Variants in MSANTD3 observed in about 807,000 individuals in gnomAD.
MSANTD3 encodes myb/SANT-like DNA-binding domain-containing protein 3.
A neutral mutation model predicts 27.7 loss-of-function variants in MSANTD3; 11 were observed. The ratio of observed to expected loss-of-function variants is 0.40; its 90% confidence interval spans 0.25 to 0.66. The LOEUF is 0.66. MSANTD3 is among the 30% of genes least tolerant of loss of function. The pLI is 0.41. For missense variants in MSANTD3, 250 were observed against 336.5 expected, an observed-to-expected ratio of 0.74 and a Z score of 2.01; for synonymous variants, 131 against 127.2, an observed-to-expected ratio of 1.03 and a Z score of -0.20.
At chr9:100,440,297 T>C (rs1836580012) in intron 1 of MSANTD3, among the ~76,000 whole-genome samples, 1 of 152,144 alleles carries the variant, frequency 6.6e-6, no homozygotes, top group Admixed American at 6.5e-5. Context: ...CAGTCCAAGC[T>C]CTGGACTTTC....
chr9:100,440,848 C>T (rs1836602086), intron 1 of MSANTD3, among the ~76,000 whole-genome samples: 1 of 127,888 alleles, frequency 7.8e-6, no homozygotes, highest in South Asian at 2.9e-4. Context: ...TAGTCTCGAA[C>T]TCCTGGGCTC....
At chr9:100,434,626 CTGA>C (rs1836437757) in intron 1 of MSANTD3, among the ~76,000 whole-genome samples, 1 of 152,170 alleles carries the variant, frequency 6.6e-6, no homozygotes, top group African/African-American at 2.4e-5. Context: ...AATTATTTAT[CTGA>C]TGATCTTCTT....
chr9:100,450,098 A>G (rs866819295), intron 2 of MSANTD3, among the ~76,000 whole-genome samples: 1 of 152,202 alleles, frequency 6.6e-6, no homozygotes, highest in African/African-American at 2.4e-5. Flanking sequence ...AAACAGCAAT[A>G]GCACTCTTGC....
chr9:100,427,708 C>T (rs1836277225), intron 1 of MSANTD3: 1 of 152,326 alleles, frequency 6.6e-6, no homozygotes. Context: ...ATCCAGGTGA[C>T]CTGCAGTACC....
At chr9:100,440,612 G>A (rs1836592013) in intron 1 of MSANTD3, among the ~76,000 whole-genome samples, 1 of 137,768 alleles carries the variant, frequency 7.3e-6, no homozygotes, top group Admixed American at 7.4e-5. Flanking sequence ...TTTTTTTTGA[G>A]ACAGTGTCTC....
intron 2 of MSANTD3, among the ~76,000 whole-genome samples, chr9:100,443,324 G>A (rs888226761): frequency 1.6e-4 from 24 of 151,886 alleles, no homozygotes; most frequent in African/African-American, 5.1e-4. Context: ...GCTTGAATTC[G>A]GGAGGCAGAG....
rs200442236 is a variant in MSANTD3 at position 100,442,222 on chromosome 9, G to A, written c.284G>A (p.Arg95Gln). 6 of 1,613,806 alleles carry A rather than the reference G, an allele frequency of 3.7e-6. No individual in the cohort carries two copies. Among genetic ancestry groups the A allele is most frequent in the East Asian group, 4.5e-5 (2 of 44,868 alleles). ...MAHERREKVK[R>Q]SVSPLLSTHV... ...CATGAAAGGAGAGAGAAAGTGAAAC[G>A]GAGCGTCAGCCCTCTCCTGAGTACC... The change falls in exon 2 of 3, where the codon CGG becomes CAG. Residue 95 changes from arginine to glutamine, a missense_variant. This residue lies in a region of MSANTD3 where 235 missense variants were observed against 299.3 expected (regional missense o/e 0.79). Transcript: ENST00000395067.
rs773160471 is a variant in MSANTD3, at chr9:100,442,367, C to T, written c.418+11C>T. The T allele has an allele frequency of 1.9e-5, 30 of 1,603,052 alleles. No individual in the cohort carries two copies. The highest frequency in any genetic ancestry group is 2.2e-5 in the Non-Finnish European group (26 of 1,175,550). The stretch of plus-strand genomic sequence containing the variant: ...ACGCCTCAGCCCAAGGTATCCGTTC[C>T]TGATGCCAGTGTGCACGCTCTCACT... On this transcript the variant is annotated intron_variant, in intron 2 of 2. Transcript: ENST00000395067.
intron 1 of MSANTD3, among the ~76,000 whole-genome samples, chr9:100,434,522 T>TC (rs1390911011): frequency 2.0e-5 from 3 of 150,866 alleles, no homozygotes; most frequent in Non-Finnish European, 4.5e-5. Context: ...AGAGCTAGAC[T>TC]CTGTCTCTCA....
chr9:100,448,726 A>G, intron 2 of MSANTD3: 2 of 985,412 alleles, frequency 2.0e-6, no homozygotes, highest in Non-Finnish European at 2.4e-6. Flanking sequence ...TGCCAGAGGT[A>G]GGCCCAGGAG....
Position 100,431,370 on chromosome 9 carries a change from A to G in MSANTD3, c.-34+3977A>G, listed in dbSNP as rs138702637. On this transcript the variant is annotated intron_variant, in intron 1 of 2. Coordinates refer to ENST00000395067, the MANE Select transcript of MSANTD3 (RefSeq NM_080655.3). ...ACCTAGGTTGGAGTGCAGTGGTGCA[A>G]TCATTGTTCACTGCAACCTCAGATT... Among the ~76,000 whole-genome samples the G allele has an allele frequency of 2.9e-3, 432 of 149,562 alleles. 2 individuals carry two copies. The highest frequency in any genetic ancestry group is 4.8e-3 in the Non-Finnish European group (324 of 67,672).
intron 1 of MSANTD3, among the ~76,000 whole-genome samples, chr9:100,436,384 A>G (rs1266535965): frequency 6.6e-6 from 1 of 152,196 alleles, no homozygotes; most frequent in Non-Finnish European, 1.5e-5. Context: ...TGCCTATATC[A>G]AAATATCTGC....
At chr9:100,444,840 A>G (rs1836715172) in intron 2 of MSANTD3, 2 of 185,530 alleles carry the variant, frequency 1.1e-5, no homozygotes, top group Admixed American at 1.2e-4. Flanking sequence ...ATAAATTTTC[A>G]GCAAGAAGGG....
intron 1 of MSANTD3, among the ~76,000 whole-genome samples, chr9:100,428,857 C>A (rs759262311): frequency 6.6e-6 from 1 of 151,966 alleles, no homozygotes; most frequent in Admixed American, 6.6e-5. Flanking sequence ...AAGTAATGGG[C>A]CTGAGGAGAT....
Position 100,450,995 on chromosome 9 carries a change from A to G in MSANTD3, c.*29A>G, listed in dbSNP as rs1836872903. 1 of 1,540,858 alleles carries G rather than the reference A, an allele frequency of 6.5e-7. No individual in the cohort carries two copies. The highest frequency in any genetic ancestry group is 1.4e-5 in the African/African-American group (1 of 72,264). ...TTTGGGGGTGGCTCTCTTGTAATTA[A>G]TCTGTGTTGGCAAAGAATGTCTGGA... On this transcript the variant is annotated 3_prime_UTR_variant, in exon 3 of 3. Transcript: ENST00000395067.
intron 2 of MSANTD3, chr9:100,444,558 T>C (rs531400912): frequency 6.5e-6 from 1 of 152,684 alleles, no homozygotes; most frequent in South Asian, 2.1e-4. Context: ...AGGGAAGGAA[T>C]GGATCAGCAG....
chr9:100,448,707 C>T, intron 2 of MSANTD3: 7 of 985,370 alleles, frequency 7.1e-6, no homozygotes, highest in Non-Finnish European at 8.4e-6. Flanking sequence ...CCAGTTTTAA[C>T]AAGTGTTCTG....
chr9:100,429,516 G>A (rs1375110772), intron 1 of MSANTD3: 1 of 152,076 alleles, frequency 6.6e-6, no homozygotes, highest in Non-Finnish European at 1.5e-5. Context: ...GAATTTCCCA[G>A]TCCAGTGTGG....
intron 1 of MSANTD3, chr9:100,429,476 C>G (rs1380443362): frequency 6.6e-6 from 1 of 152,126 alleles, no homozygotes; most frequent in Non-Finnish European, 1.5e-5. Context: ...GGGGATACAG[C>G]GATGAGTCAG....
Sources: gnomAD v4.1 joint callset for allele counts (sites outside exome capture counted in the v4.1 genomes callset) on GRCh38, gnomAD v4.1.1 for gene constraint, gnomAD v4.1.1 regional missense constraint, MANE v1.5 for transcripts, NCBI Gene and HGNC (gene_info 2026-07-23, HGNC 2026-07-21) for gene names.